Variants in LRRTM4 observed in about 807,000 individuals in gnomAD.
The protein encoded by LRRTM4 is leucine-rich repeat transmembrane neuronal protein 4.
A neutral mutation model predicts 47.6 loss-of-function variants in LRRTM4; 25 were observed. The ratio of observed to expected loss-of-function variants is 0.53; its 90% CI spans 0.38 to 0.73. The LOEUF is 0.73. LRRTM4 is among the 30% of genes least tolerant of loss of function. The probability of loss-of-function intolerance (pLI) is 0.00; values close to 1 mark genes in which losing one functional copy is unlikely to be tolerated. For synonymous variants in LRRTM4, 311 were observed against 269.5 expected, an observed-to-expected ratio of 1.15 and a Z score of -1.51; for missense variants, 638 against 713.4, an observed-to-expected ratio of 0.89 and a Z score of 1.20.
At chr2:77,190,549 C>G (rs1477114225) in intron 3 of LRRTM4, among the ~76,000 whole-genome samples, 1 of 152,090 alleles carries the variant, frequency 6.6e-6, no homozygotes, top group Non-Finnish European at 1.5e-5. Flanking sequence ...ATCTGCCCAC[C>G]TCGGCTTCCC....
chr2:76,848,091 G>GT (rs1454583896), intron 3 of LRRTM4, among the ~76,000 whole-genome samples: 1 of 151,986 alleles, frequency 6.6e-6, no homozygotes, highest in Non-Finnish European at 1.5e-5. Flanking sequence ...TTTTCTCAAA[G>GT]TTTTTTTCCC....
At chr2:77,109,464 G>A (rs1671188776) in intron 3 of LRRTM4, among the ~76,000 whole-genome samples, 2 of 152,136 alleles carry the variant, frequency 1.3e-5, no homozygotes, top group South Asian at 2.1e-4. Context: ...TTGGCATATT[G>A]ATTTGGAGAC....
At chr2:77,249,466 C>T (rs1334822469) in intron 3 of LRRTM4, among the ~76,000 whole-genome samples, 1 of 146,570 alleles carries the variant, frequency 6.8e-6, no homozygotes, top group Non-Finnish European at 1.5e-5. Flanking sequence ...ACATATCTGA[C>T]AATGCATTGT....
At chr2:77,455,127 G>T (rs1404488495) in intron 3 of LRRTM4, among the ~76,000 whole-genome samples, 4 of 152,170 alleles carry the variant, frequency 2.6e-5, no homozygotes, top group African/African-American at 9.7e-5. Flanking sequence ...GGCAGAGGTT[G>T]CAGTGAGCTG....
At chr2:77,332,488 T>C (rs965158079) in intron 3 of LRRTM4, among the ~76,000 whole-genome samples, 2 of 152,164 alleles carry the variant, frequency 1.3e-5, no homozygotes, top group Admixed American at 6.5e-5. Context: ...CATAGGATAA[T>C]ATGAGAATTG....
At chr2:77,145,565 G>A (rs1230326305) in intron 3 of LRRTM4, among the ~76,000 whole-genome samples, 2 of 151,262 alleles carry the variant, frequency 1.3e-5, no homozygotes, top group East Asian at 2.0e-4. Context: ...CCGGGAGATC[G>A]AGACCATCCT....
rs182220636 is a variant in LRRTM4 at position 77,033,545 on chromosome 2, G to A, written c.1552-284629C>T. Among the ~76,000 whole-genome samples, 169 of 151,886 alleles carry A rather than the reference G, an allele frequency of 1.1e-3. 2 individuals carry two copies. The highest frequency in any genetic ancestry group is 1.7e-3 in the Non-Finnish European group (112 of 67,860). ...CCGAATATCAATTTTATTGAAGGAG[G>A]AGATATTTCTAAAACAGTATTTTAA... On this transcript the variant is annotated intron_variant, in intron 3 of 3. Coordinates refer to ENST00000409884, the MANE Select transcript of LRRTM4 (RefSeq NM_001134745.3).
At position 77,442,005 on chromosome 2, in the gene LRRTM4, A is replaced by G. The variant is rs116011105; in HGVS notation, c.1551+76313T>C. On this transcript the variant is annotated intron_variant, in intron 3 of 3. Coordinates refer to ENST00000409884, the MANE Select transcript of LRRTM4 (RefSeq NM_001134745.3). Reference sequence around the variant, plus strand: ...AAAACAAAACAAGGCAATGCAAGCAATGAAGCAAACAGAGCAGAGGCAGAA... The same window carrying G: ...AAAACAAAACAAGGCAATGCAAGCAGTGAAGCAAACAGAGCAGAGGCAGAA... Among the ~76,000 whole-genome samples, 357 of 152,306 alleles carry G rather than the reference A, an allele frequency of 2.3e-3. 5 individuals carry two copies. Among genetic ancestry groups the G allele is most frequent in the African/African-American group, 8.0e-3 (331 of 41,578 alleles).
chr2:77,088,541 A>G (rs1025218127), intron 3 of LRRTM4, among the ~76,000 whole-genome samples: 9 of 151,524 alleles, frequency 5.9e-5, no homozygotes, highest in African/African-American at 2.2e-4. Flanking sequence ...CCCAAATCCT[A>G]TAAAACGGCC....
rs1276039630 is a variant in LRRTM4 at position 76,876,813 on chromosome 2, A to G, written c.1552-127897T>C. On this transcript the variant is annotated intron_variant, in intron 3 of 3. Coordinates refer to ENST00000409884, the MANE Select transcript of LRRTM4 (RefSeq NM_001134745.3). ...TGTACTTTATCTCTGTCAATTTTTT[A>G]TTTTGCTTAGAAAAAGAGAAATCAC... 5.3e-5 allele frequency among the ~76,000 whole-genome samples: 8 copies of G among 152,056 alleles called. No individual in the cohort carries two copies. The East Asian group carries it at 1.4e-3, about 26-fold the overall frequency.
intron 3 of LRRTM4, chr2:77,517,780 A>G (rs1679270839): frequency 2.0e-6 from 2 of 985,336 alleles, no homozygotes; most frequent in Admixed American, 6.2e-5. Flanking sequence ...TATAATAACT[A>G]AATGGCAAGT....
chr2:77,496,178 T>C (rs1482325945), intron 3 of LRRTM4, among the ~76,000 whole-genome samples: 2 of 151,974 alleles, frequency 1.3e-5, no homozygotes, highest in African/African-American at 2.4e-5. Context: ...AGTTGATTTT[T>C]GTGTAATATT....
chr2:76,791,308 A>G (rs1470960233), intron 3 of LRRTM4, among the ~76,000 whole-genome samples: 2 of 151,428 alleles, frequency 1.3e-5, no homozygotes, highest in African/African-American at 4.9e-5. Context: ...AATATTGGGA[A>G]CCATCATTTA....
At chr2:77,145,094 A>T (rs912918802) in intron 3 of LRRTM4, among the ~76,000 whole-genome samples, 26 of 152,150 alleles carry the variant, frequency 1.7e-4, no homozygotes, top group Non-Finnish European at 1.0e-4. Context: ...TGACAACATG[A>T]ATAGGAAGAT....
intron 3 of LRRTM4, among the ~76,000 whole-genome samples, chr2:76,757,528 G>C (rs1045461343): frequency 1.3e-5 from 2 of 152,026 alleles, no homozygotes; most frequent in African/African-American, 2.4e-5. Context: ...GAGGTTTTAG[G>C]CTAATGAGCT....
At chr2:76,779,048 A>T (rs145891010) in intron 3 of LRRTM4, among the ~76,000 whole-genome samples, 82,677 of 122,516 alleles carry the variant, frequency 0.67, 28,893 homozygotes, top group African/African-American at 0.84. Context: ...CAGGTTGTTC[A>T]GTTTCCATGT....
At chr2:76,953,724 T>A (rs141594434) in intron 3 of LRRTM4, among the ~76,000 whole-genome samples, 2 of 152,018 alleles carry the variant, frequency 1.3e-5, no homozygotes, top group East Asian at 3.9e-4. Context: ...ATGCCTGGTT[T>A]GTGGCTTCTC....
intron 3 of LRRTM4, chr2:77,517,717 C>G (rs1679267936): frequency 6.1e-6 from 6 of 981,026 alleles, no homozygotes; most frequent in Non-Finnish European, 7.3e-6. Context: ...AAGAAAGAAG[C>G]CTTAGGAGCC....
At chr2:76,995,081 G>C (rs1446723) in intron 3 of LRRTM4, among the ~76,000 whole-genome samples, 1 of 151,256 alleles carries the variant, frequency 6.6e-6, no homozygotes, top group African/African-American at 2.4e-5. Flanking sequence ...ATTTGACTCA[G>C]GAAACTGAAC....
Sources: gnomAD v4.1 joint callset for allele counts (sites outside exome capture counted in the v4.1 genomes callset) on GRCh38, gnomAD v4.1.1 for gene constraint, MANE v1.5 for transcripts, NCBI Gene and HGNC (gene_info 2026-07-23, HGNC 2026-07-21) for gene names.